Variants in TAF4 observed in about 807,000 individuals in gnomAD.
TAF4 encodes TATA-box binding protein associated factor 4.
A neutral mutation model predicts 90.3 loss-of-function variants in TAF4; 9 were observed. The ratio of observed to expected loss-of-function variants is 0.10; its 90% confidence interval spans 0.06 to 0.17. The LOEUF is 0.17. TAF4 is among the 10% of genes least tolerant of loss of function. The pLI, the probability that TAF4 is intolerant of heterozygous loss-of-function variation, is 1.00. For synonymous variants in TAF4, 818 were observed against 638.9 expected (o/e 1.28, Z -4.23); for missense variants, 1,351 against 1,370.7 (o/e 0.99, Z 0.23).
chr20:62,063,575 G>A lies in TAF4; in HGVS notation c.1360+876C>T, dbSNP rs1441013458. Reference sequence around the variant, plus strand: ...ACAGGAGCGTGAGAACTGCCAGGCGGAAGTGGCGTCGGAGCCCCAGGCATC... The same window carrying A: ...ACAGGAGCGTGAGAACTGCCAGGCGAAAGTGGCGTCGGAGCCCCAGGCATC... On this transcript the variant is annotated intron_variant, in intron 1 of 14. Coordinates refer to ENST00000252996, the MANE Select transcript of TAF4 (RefSeq NM_003185.4). 3.3e-5 allele frequency among the ~76,000 whole-genome samples: 5 copies of A among 152,202 alleles called. No homozygotes were observed. The South Asian group carries it at 8.3e-4, about 25-fold the overall frequency.
Position 62,014,616 on chromosome 20 carries a change from A to G in TAF4, c.1452T>C (p.Pro484=). 6.2e-7 allele frequency: 1 copy of G among 1,614,096 alleles called. No homozygotes were observed. Among genetic ancestry groups the G allele is most frequent in the East Asian group, 2.2e-5 (1 of 44,854 alleles). Residue 484 remains proline (P), a synonymous_variant, in exon 2 of 15, where the codon CCT becomes CCC. Coordinates refer to ENST00000252996, the MANE Select transcript of TAF4 (RefSeq NM_003185.4). The part of the protein sequence containing the change: ...AQMQAQAHAQ[P]QTTMAPRPAT... The stretch of plus-strand genomic sequence containing the variant: ...CAGGGCGAGGCGCCATGGTGGTCTG[A>G]GGCTGGGCATGGGCCTGCGCCTGCA...
At chr20:61,977,521 C>T (rs1056484424) in intron 14 of TAF4, among the ~76,000 whole-genome samples, 1 of 152,216 alleles carries the variant, frequency 6.6e-6, no homozygotes, top group Non-Finnish European at 1.5e-5. Flanking sequence ...CCCCCTTCCC[C>T]GTTCTGCCAC....
chr20:61,987,333 G>C (rs959267115), intron 14 of TAF4, among the ~76,000 whole-genome samples: 1 of 152,146 alleles, frequency 6.6e-6, no homozygotes, highest in African/African-American at 2.4e-5. Flanking sequence ...GAGCCGAGGA[G>C]CCGCGAGGGT....
At chr20:61,999,132 C>T (rs763901966) in intron 11 of TAF4, 24 bp from the exon 12 acceptor site, 5 of 1,612,084 alleles carry the variant, frequency 3.1e-6, no homozygotes. Context: ...TAAAATACTG[C>T]TTGTCATAAA....
chr20:62,045,094 A>G (rs2055985672), intron 1 of TAF4, among the ~76,000 whole-genome samples: 1 of 152,258 alleles, frequency 6.6e-6, no homozygotes. Context: ...CCGACATGAA[A>G]ACACAGGTGA....
At chr20:62,014,189 A>G (rs1319141538) in intron 2 of TAF4, among the ~76,000 whole-genome samples, 5 of 152,018 alleles carry the variant, frequency 3.3e-5, no homozygotes, top group Non-Finnish European at 5.9e-5. Flanking sequence ...TCCTAGCACC[A>G]TCTCTACTTT....
chr20:62,004,094 T>G lies in TAF4; in HGVS notation c.2224-216A>C, dbSNP rs373479904. On this transcript the variant is annotated intron_variant, in intron 7 of 14. Transcript: ENST00000252996. The stretch of plus-strand genomic sequence containing the variant: ...ACCAGGGCAGGACGTGGGCGAGGGG[T>G]GCCCGTGTGAGCACAGAAGGGGCAA... Among the ~76,000 whole-genome samples, 14 of 151,978 alleles carry G rather than the reference T, an allele frequency of 9.2e-5. No homozygotes were observed. The East Asian group carries it at 2.1e-3, about 23-fold the overall frequency.
chr20:62,013,950 T>TGTGTGTGTGAGA (rs1491288481), intron 2 of TAF4, among the ~76,000 whole-genome samples: 8 of 126,294 alleles, frequency 6.3e-5, no homozygotes, highest in African/African-American at 1.8e-4. Flanking sequence ...TGTGTGTGTG[T>TGTGTGTGTGAGA]GAATCCGTGC....
chr20:62,063,610 G>A (rs1056584288), intron 1 of TAF4, among the ~76,000 whole-genome samples: 1 of 152,164 alleles, frequency 6.6e-6, no homozygotes. Context: ...CCGCAGCATA[G>A]CCAGTATCGC....
At chr20:62,023,286 A>C (rs1379609919) in intron 1 of TAF4, among the ~76,000 whole-genome samples, 1 of 152,072 alleles carries the variant, frequency 6.6e-6, no homozygotes, top group Non-Finnish European at 1.5e-5. Flanking sequence ...TACTAAAAAC[A>C]CAAAAAATTA....
intron 14 of TAF4, among the ~76,000 whole-genome samples, chr20:61,978,214 C>G (rs1261177599): frequency 4.0e-3 from 1 of 248 alleles, no homozygotes. Flanking sequence ...CAAGGGAGGG[C>G]GCGAGACCAA....
Position 62,063,393 on chromosome 20 carries a change from C to A in TAF4, c.1360+1058G>T, listed in dbSNP as rs990908538. 2.0e-5 allele frequency among the ~76,000 whole-genome samples: 3 copies of A among 152,108 alleles called. No homozygotes were observed. The East Asian group carries it at 5.8e-4, about 29-fold the overall frequency. ...ACCGCGCTGCTACAACTGCACGGCACGCGTCACCACAGGCCGGGGAGGAGC... is the reference window on the plus strand; with the variant it reads ...ACCGCGCTGCTACAACTGCACGGCAAGCGTCACCACAGGCCGGGGAGGAGC... On this transcript the variant is annotated intron_variant, in intron 1 of 14. Transcript: ENST00000252996.
intron 9 of TAF4, among the ~76,000 whole-genome samples, chr20:62,001,695 G>A (rs1050396768): frequency 3.9e-5 from 6 of 152,118 alleles, no homozygotes; most frequent in African/African-American, 1.4e-4. Context: ...TGGCTGGGCT[G>A]CACAGCTTAG....
chr20:62,013,907 GTGT>G (rs2055794807), intron 2 of TAF4, among the ~76,000 whole-genome samples: 2 of 46,622 alleles, frequency 4.3e-5, no homozygotes, highest in Admixed American at 4.3e-4. Context: ...GCTGACGCGG[GTGT>G]GTGTGTGTGT....
At chr20:62,015,482 C>A (rs1484544675) in intron 1 of TAF4, among the ~76,000 whole-genome samples, 1 of 152,216 alleles carries the variant, frequency 6.6e-6, no homozygotes, top group Non-Finnish European at 1.5e-5. Context: ...GGTGGGGATG[C>A]AGCCGTGGGA....
At chr20:62,045,378 G>A (rs1165713948) in intron 1 of TAF4, among the ~76,000 whole-genome samples, 2 of 152,194 alleles carry the variant, frequency 1.3e-5, no homozygotes, top group Non-Finnish European at 2.9e-5. Context: ...TGGTGGAGAC[G>A]ATGGCGGTGA....
intron 1 of TAF4, among the ~76,000 whole-genome samples, chr20:62,038,333 T>C (rs2055945398): frequency 6.6e-6 from 1 of 151,968 alleles, no homozygotes; most frequent in African/African-American, 2.4e-5. Flanking sequence ...AGCTAATTTT[T>C]TGTATTTTTA....
intron 1 of TAF4, among the ~76,000 whole-genome samples, chr20:62,033,263 C>A (rs369525484): frequency 4.6e-5 from 7 of 152,194 alleles, no homozygotes; most frequent in Admixed American, 3.3e-4. Context: ...TGCCAAGATG[C>A]GTGTGTGGCA....
intron 14 of TAF4, among the ~76,000 whole-genome samples, chr20:61,983,689 T>A (rs754195445): frequency 7.2e-5 from 11 of 152,110 alleles, no homozygotes; most frequent in Non-Finnish European, 1.0e-4. Flanking sequence ...TTTACATAAT[T>A]ATAAAATATT....
Sources: gnomAD v4.1 joint callset for allele counts (sites outside exome capture counted in the v4.1 genomes callset) on GRCh38, gnomAD v4.1.1 for gene constraint, MANE v1.5 for transcripts, NCBI Gene and HGNC (gene_info 2026-07-23, HGNC 2026-07-21) for gene names.